The following DTNA variants were observed in gnomAD, a reference collection of about 807,000 sequenced individuals.
The protein encoded by DTNA is dystrobrevin alpha, also known as dystrophin-related protein 3.
Under a neutral mutation model 100.7 loss-of-function variants are expected in DTNA, and 43 were observed. The observed-to-expected ratio is 0.43, with a 90% CI of 0.33 to 0.55. DTNA has a LOEUF of 0.55. Ranked by LOEUF, DTNA falls within the 20% of genes least tolerant of loss-of-function variation. The probability of loss-of-function intolerance (pLI) is 0.04; values close to 1 mark genes in which losing one functional copy is unlikely to be tolerated. For synonymous variants in DTNA, 349 were observed against 347.9 expected (o/e 1.00, Z -0.04); for missense variants, 798 against 953.9 (o/e 0.84, Z 2.15).
At chr18:34,680,539 A>C (rs765107109) in intron 1 of DTNA, among the ~76,000 whole-genome samples, 2 of 152,216 alleles carry the variant, frequency 1.3e-5, no homozygotes, top group Non-Finnish European at 2.9e-5. Flanking sequence ...AGCATTGGCC[A>C]CTGTCTAAAT....
rs913826350 is a variant in DTNA, at chr18:34,875,698, AT to A, written c.1903+308del. Among the ~76,000 whole-genome samples, 5 of 152,114 alleles carry A rather than the reference AT, an allele frequency of 3.3e-5. No individual in the cohort carries two copies. In the East Asian group the frequency reaches 5.8e-4, roughly 18 times the overall value. ...CCAGAAAACTTCATAAATGTAATCTATTTTTTTTAATTCTTAGAGATTTTCT... is the reference window on the plus strand; with the variant it reads ...CCAGAAAACTTCATAAATGTAATCTATTTTTTTAATTCTTAGAGATTTTCT... On this transcript the variant is annotated intron_variant, in intron 18 of 22. Transcript: ENST00000444659.
intron 1 of DTNA, chr18:34,494,124 C>T (rs1460393753): frequency 3.3e-5 from 5 of 151,814 alleles, no homozygotes; most frequent in African/African-American, 1.2e-4. Context: ...CTTCGCGTCG[C>T]GGGTTGAGTT....
intron 1 of DTNA, among the ~76,000 whole-genome samples, chr18:34,667,180 A>T (rs1268702117): frequency 6.6e-6 from 1 of 152,140 alleles, no homozygotes; most frequent in African/African-American, 2.4e-5. Flanking sequence ...ATTCTCTTTG[A>T]AGCAATTGTG....
At chr18:34,544,612 C>T (rs1245964459) in intron 1 of DTNA, among the ~76,000 whole-genome samples, 1 of 152,084 alleles carries the variant, frequency 6.6e-6, no homozygotes, top group African/African-American at 2.4e-5. Context: ...TTTATAATTA[C>T]ATCTGCATTG....
At chr18:34,674,488 C>T (rs1206052312) in intron 1 of DTNA, among the ~76,000 whole-genome samples, 1 of 152,214 alleles carries the variant, frequency 6.6e-6, no homozygotes, top group African/African-American at 2.4e-5. Context: ...CATCCTCTCC[C>T]TGACTCTGAC....
At chr18:34,646,764 G>A (rs1384260720) in intron 1 of DTNA, among the ~76,000 whole-genome samples, 1 of 152,100 alleles carries the variant, frequency 6.6e-6, no homozygotes, top group Non-Finnish European at 1.5e-5. Context: ...CTGGAGTGCA[G>A]TGGCGCGATC....
rs1302291478 is a variant in DTNA at position 34,825,203 on chromosome 18, T to C, written c.1002-2390T>C. ...TTTTGACATTTGTTCTTAGCTATTG[T>C]ATTGCTTGTAAATATTACCATGATT... is the stretch of plus-strand genomic sequence containing the variant. On this transcript the variant is annotated intron_variant, in intron 9 of 22. Coordinates refer to ENST00000444659, the MANE Select transcript of DTNA (RefSeq NM_001386795.1). 8 of 1,605,910 alleles carry C rather than the reference T, an allele frequency of 5.0e-6. No homozygotes were observed. The Admixed American group carries it at 1.3e-4, about 27-fold the overall frequency.
rs533020997 is a variant in DTNA, at chr18:34,598,589, G to A, written c.-2+105075G>A. On this transcript the variant is annotated intron_variant, in intron 1 of 19. Coordinates refer to the DTNA transcript ENST00000283365. ...TTAAAATTTTTAAGGCCTTGGCCAG[G>A]CGCATTGGTTCACGCCTGTAATTGA... is the stretch of plus-strand genomic sequence containing the variant. Among the ~76,000 whole-genome samples, 3 of 152,288 alleles carry A rather than the reference G, an allele frequency of 2.0e-5. No homozygotes were observed. The East Asian group carries it at 5.8e-4, about 29-fold the overall frequency.
intron 1 of DTNA, among the ~76,000 whole-genome samples, chr18:34,748,697 T>C (rs1156562261): frequency 1.3e-5 from 2 of 152,228 alleles, no homozygotes; most frequent in African/African-American, 4.8e-5. Flanking sequence ...TATACTGTTT[T>C]GGTAATGATA....
chr18:34,886,554 T>C (rs774451588), intron 22 of DTNA, among the ~76,000 whole-genome samples: 13 of 152,236 alleles, frequency 8.5e-5, no homozygotes, highest in Non-Finnish European at 1.6e-4. Context: ...AAAATATTTT[T>C]GAAAGTCTAA....
intron 1 of DTNA, chr18:34,513,629 T>C (rs1237357108): frequency 1.3e-5 from 2 of 152,242 alleles, no homozygotes; most frequent in East Asian, 3.9e-4. Context: ...TGGATCACAC[T>C]GAGCAGCTGG....
intron 1 of DTNA, among the ~76,000 whole-genome samples, chr18:34,554,326 A>G (rs2045789112): frequency 7.0e-6 from 1 of 142,948 alleles, no homozygotes; most frequent in Non-Finnish European, 1.5e-5. Context: ...GCAAACAGGG[A>G]CAATTTGACT....
In DTNA at chr18:34,603,002, C is replaced by CAA. The variant is rs919862684; in HGVS notation, c.-2+109497_-2+109498dup. 2.1e-5 allele frequency among the ~76,000 whole-genome samples: 3 copies of CAA among 141,334 alleles called. No individual in the cohort carries two copies. The Admixed American group carries it at 2.1e-4, about 10-fold the overall frequency. 92.7% of individuals were successfully genotyped at this position (141,334 alleles called of 152,430 possible). A position where few individuals can be genotyped will look rare whatever the true frequency, so the allele number is the denominator to read the frequency against. ...CGGGCGACAGTGTGAGACTCCCTCT[C>CAA]AAAAAAAAAATACAAAATAAAAAAT... On this transcript the variant is annotated intron_variant, in intron 1 of 19. Coordinates refer to the DTNA transcript ENST00000283365.
intron 17 of DTNA, among the ~76,000 whole-genome samples, chr18:34,871,512 A>G (rs2096765665): frequency 6.6e-6 from 1 of 152,208 alleles, no homozygotes; most frequent in Admixed American, 6.5e-5. Flanking sequence ...TCCATTAATC[A>G]TTGAGTAATT....
At chr18:34,616,651 G>T (rs561462393) in intron 1 of DTNA, among the ~76,000 whole-genome samples, 35 of 152,038 alleles carry the variant, frequency 2.3e-4, no homozygotes, top group African/African-American at 8.2e-4. Context: ...ATTTTTTTCA[G>T]TTATGTGAAC....
chr18:34,694,766 A>G (rs530203298), intron 1 of DTNA, among the ~76,000 whole-genome samples: 1 of 152,136 alleles, frequency 6.6e-6, no homozygotes, highest in Non-Finnish European at 1.5e-5. Context: ...TCCCTTCTGA[A>G]GTTGAATTTC....
chr18:34,528,093 T>C (rs1223386978), intron 1 of DTNA, among the ~76,000 whole-genome samples: 2 of 152,134 alleles, frequency 1.3e-5, no homozygotes, highest in African/African-American at 4.8e-5. Context: ...GTCTCCATGC[T>C]TCTGTTTTTA....
chr18:34,706,488 ATAATTTT>A (rs980058599), upstream of DTNA, among the ~76,000 whole-genome samples: 3 of 151,806 alleles, frequency 2.0e-5, no homozygotes, highest in African/African-American at 7.3e-5. Context: ...GTATATAATT[ATAATTTT>A]TAAACACATG....
intron 1 of DTNA, among the ~76,000 whole-genome samples, chr18:34,536,647 A>C (rs2043743713): frequency 6.6e-6 from 1 of 151,964 alleles, no homozygotes; most frequent in Non-Finnish European, 1.5e-5. Context: ...TCTTATATCT[A>C]GGAAACAGTT....
Sources: gnomAD v4.1 joint callset for allele counts (sites outside exome capture counted in the v4.1 genomes callset) on GRCh38, gnomAD v4.1.1 for gene constraint, MANE v1.5 for transcripts, NCBI Gene and HGNC (gene_info 2026-07-23, HGNC 2026-07-21) for gene names.